The following RPGRIP1 variants were observed in gnomAD, a reference collection of about 807,000 sequenced individuals.
RPGRIP1 encodes RPGR interacting protein 1.
A neutral mutation model predicts 157.9 loss-of-function variants in RPGRIP1; 128 were observed. The observed-to-expected ratio is 0.81, with a 90% CI of 0.70 to 0.94. The LOEUF is 0.94. RPGRIP1 is among the 40% of genes least tolerant of loss of function. The pLI is 0.00. For synonymous variants in RPGRIP1, 554 were observed against 571.6 expected (o/e 0.97, Z 0.44); for missense variants, 1,486 against 1,545.8 (o/e 0.96, Z 0.65).
chr14:21,310,426 C>A (rs1881493726), intron 7 of RPGRIP1, among the ~76,000 whole-genome samples, 158 bp from the exon 8 acceptor site: 1 of 151,974 alleles, frequency 6.6e-6, no homozygotes, highest in South Asian at 2.1e-4. Context: ...CAAGCTAGGG[C>A]AGGGGAAAAA....
At chr14:21,303,672 C>T (rs1167098646) in intron 6 of RPGRIP1, 129 bp downstream of exon 6, 3 of 697,380 alleles carry the variant, frequency 4.3e-6, no homozygotes, top group East Asian at 2.7e-5. Flanking sequence ...GTAGTAGACA[C>T]GGAGTCCCTC....
chr14:21,324,834 A>C lies in RPGRIP1; in HGVS notation c.1979A>C (p.Asp660Ala). ...ACTTTCTGCACCTATTCCTTCTATGACTTTGAAACCCACTGTACCCCATTA... is the reference window on the plus strand; with the variant it reads ...ACTTTCTGCACCTATTCCTTCTATGCCTTTGAAACCCACTGTACCCCATTA... ...PTTFCTYSFY[D>A]FETHCTPLSV... The change falls in exon 15 of 25, where the codon GAC becomes GCC. Residue 660 changes from aspartate (D) to alanine (A), a missense_variant. Transcript: ENST00000400017. 6.2e-7 allele frequency: 1 copy of C among 1,613,960 alleles called. No individual in the cohort carries two copies. Among genetic ancestry groups the C allele is most frequent in the Non-Finnish European group, 8.5e-7 (1 of 1,179,886 alleles).
At chr14:21,307,682 T>C in intron 6 of RPGRIP1, 49 bp from the exon 7 acceptor site, 1 of 1,219,064 alleles carries the variant, frequency 8.2e-7, no homozygotes, top group South Asian at 1.3e-5. Flanking sequence ...GAAAATGTCT[T>C]TAATTCTATC....
Position 21,318,524 on chromosome 14 carries a change from G to T in RPGRIP1, c.1306+674G>T, listed in dbSNP as rs1426976043. Among the ~76,000 whole-genome samples the T allele has an allele frequency of 2.0e-5, 3 of 152,142 alleles. No individual in the cohort carries two copies. In the South Asian group the frequency reaches 6.2e-4, roughly 31 times the overall value. On this transcript the variant is annotated intron_variant, in intron 11 of 24. Transcript: ENST00000400017. Reference sequence around the variant, plus strand: ...AGAGTCTCACTCTGTCACCCAGGCTGGAGTACAGTGATGCGATCTGGGCTC... The same window carrying T: ...AGAGTCTCACTCTGTCACCCAGGCTTGAGTACAGTGATGCGATCTGGGCTC...
At position 21,325,058 on chromosome 14, in the gene RPGRIP1, G is replaced by A. The variant is rs769776142; in HGVS notation, c.2203G>A (p.Ala735Thr). Residue 735 changes from alanine (A) to threonine (T), a missense_variant, in exon 15 of 25, where the codon GCC (alanine) becomes ACC (threonine). Physicochemically the swap from Ala to Thr is moderately conservative, Grantham distance 58 (BLOSUM62 0). Transcript: ENST00000400017. ...GACTGTGGAGAAAGTCCATGGCTTG[G>A]CCACACTGATTGGTAAGTGCCGTTG... ...LETVEKVHGLATLIGAGGEEF... is the reference protein window; with the variant it reads ...LETVEKVHGLTTLIGAGGEEF... 6.2e-7 allele frequency: 1 copy of A among 1,609,476 alleles called. No homozygotes were observed. The highest frequency in any genetic ancestry group is 1.3e-5 in the African/African-American group (1 of 74,970).
chr14:21,306,580 TC>T (rs1881317810), intron 6 of RPGRIP1, among the ~76,000 whole-genome samples: 2 of 151,636 alleles, frequency 1.3e-5, no homozygotes, highest in Admixed American at 1.3e-4. Flanking sequence ...TGCCTCAGCC[TC>T]CCGAGTAGCT....
chr14:21,336,343 G>A (rs751130984), intron 21 of RPGRIP1, among the ~76,000 whole-genome samples: 6 of 152,156 alleles, frequency 3.9e-5, no homozygotes, highest in Non-Finnish European at 8.8e-5. Context: ...AGACCAGCCT[G>A]AGCAACACAG....
chr14:21,306,080 A>AAAC (rs1465993141), intron 6 of RPGRIP1, among the ~76,000 whole-genome samples: 1 of 150,826 alleles, frequency 6.6e-6, no homozygotes, highest in Non-Finnish European at 1.5e-5. Flanking sequence ...ACAATAAAGA[A>AAAC]AACGTGAGCT....
In RPGRIP1 at chr14:21,327,735, G is replaced by C. The variant is rs753237146; in HGVS notation, c.2823G>C (p.Gln941His). The C allele has an allele frequency of 6.2e-7, 1 of 1,613,900 alleles. No homozygotes were observed. Among genetic ancestry groups the C allele is most frequent in the South Asian group, 1.1e-5 (1 of 91,066 alleles). Reference sequence around the variant, plus strand: ...AGAGCTTCCTGAAACCAGAAGCTCAGACTAAGGGGAAGGATACCAAGGACA... The same window carrying C: ...AGAGCTTCCTGAAACCAGAAGCTCACACTAAGGGGAAGGATACCAAGGACA... ...PPESFLKPEAQTKGKDTKDSS... is the reference protein window; with the variant it reads ...PPESFLKPEAHTKGKDTKDSS... The change falls in exon 18 of 25, where the codon CAG becomes CAC. Residue 941 changes from glutamine to histidine, a missense_variant. Gln to His is a conservative substitution (Grantham distance 24). Transcript: ENST00000400017.
At chr14:21,287,684 T>C (rs1425086613) in intron 1 of RPGRIP1, among the ~76,000 whole-genome samples, 1 of 152,090 alleles carries the variant, frequency 6.6e-6, no homozygotes, top group African/African-American at 2.4e-5. Flanking sequence ...GAGCAGACAC[T>C]TAAAAAAATG....
chr14:21,307,569 A>T (rs1184746551), intron 6 of RPGRIP1, among the ~76,000 whole-genome samples, 162 bp from the exon 7 acceptor site: 1 of 152,224 alleles, frequency 6.6e-6, no homozygotes, highest in Non-Finnish European at 1.5e-5. Flanking sequence ...AAAGGAGATT[A>T]TTTACTAGAC....
chr14:21,286,256 G>A (rs1299856091), intron 1 of RPGRIP1, among the ~76,000 whole-genome samples: 1 of 151,970 alleles, frequency 6.6e-6, no homozygotes, highest in Non-Finnish European at 1.5e-5. Flanking sequence ...CTCCCAAAGT[G>A]CCGGGGTTAC....
At chr14:21,333,834 A>G (rs1884041304) in intron 20 of RPGRIP1, among the ~76,000 whole-genome samples, 1 of 152,032 alleles carries the variant, frequency 6.6e-6, no homozygotes, top group South Asian at 2.1e-4. Flanking sequence ...AGGGGAGGGG[A>G]CAAAGACCCC....
chr14:21,302,524 C>A lies in RPGRIP1; in HGVS notation c.527C>A (p.Ser176Ter). 1 of 1,586,536 alleles carries A rather than the reference C, an allele frequency of 6.3e-7. No individual in the cohort carries two copies. Among genetic ancestry groups the A allele is most frequent in the South Asian group, 1.2e-5 (1 of 85,848 alleles). ...AGGCTGAGCTACACAGCCCCTCCAT[C>A]GTTTAAGGAGCATGCGACAAATGAA... ...RDRLSYTAPP[S>*]FKEHATNENR... is the part of the protein sequence containing the mutation. Residue 176 changes from serine (S) to a stop codon, truncating the protein, a stop_gained, in exon 5 of 25, where the codon TCG becomes TAG. Coordinates refer to ENST00000400017, the MANE Select transcript of RPGRIP1 (RefSeq NM_020366.4). LOFTEE classifies it high-confidence loss of function.
chr14:21,325,917 T>C lies in RPGRIP1; in HGVS notation c.2454T>C (p.Thr818=). 6.2e-7 allele frequency: 1 copy of C among 1,613,970 alleles called. No homozygotes were observed. Among genetic ancestry groups the C allele is most frequent in the Admixed American group, 1.7e-5 (1 of 60,008 alleles). ...GCCTCCGGAGTCGATGGCTGGGAACTCAACCCAGTCCATATGCTGTGTACC... is the reference window on the plus strand; with the variant it reads ...GCCTCCGGAGTCGATGGCTGGGAACCCAACCCAGTCCATATGCTGTGTACC... ...CCGLRSRWLG[T]QPSPYAVYRF... is the part of the protein sequence containing the mutation. Residue 818 remains threonine, a synonymous_variant, in exon 17 of 25, where the codon ACT becomes ACC. Transcript: ENST00000400017.
At chr14:21,308,684 G>T (rs544305381) in intron 7 of RPGRIP1, among the ~76,000 whole-genome samples, 2 of 152,322 alleles carry the variant, frequency 1.3e-5, no homozygotes, top group South Asian at 4.1e-4. Context: ...CAAGAAACAA[G>T]GGAGAAGAAA....
intron 8 of RPGRIP1, 73 bp from the exon 9 acceptor site, chr14:21,311,751 G>A: frequency 8.2e-7 from 1 of 1,223,442 alleles, no homozygotes; most frequent in Non-Finnish European, 1.1e-6. Context: ...AGAATGCTAG[G>A]GTTGCTGGTG....
Position 21,317,829 on chromosome 14 carries a change from C to G in RPGRIP1, c.1285C>G (p.Leu429Val), listed in dbSNP as rs2139188464. ...GCTGGAGGACAAGAGAAAAGTTTTA[C>G]TTGAGCTGTCCAGGGAGAAAGGTAG... ...AELEDKRKVL[L>V]ELSREKAQNE... The change falls in exon 11 of 25, where the codon CTT (leucine) becomes GTT (valine). Residue 429 changes from leucine to valine, a missense_variant. Leu to Val is a conservative substitution (Grantham distance 32). Transcript: ENST00000400017. 6.2e-7 allele frequency: 1 copy of G among 1,606,594 alleles called. No homozygotes were observed. The highest frequency in any genetic ancestry group is 8.5e-7 in the Non-Finnish European group (1 of 1,176,560).
At chr14:21,299,611 C>G (rs1880938821) in intron 3 of RPGRIP1, among the ~76,000 whole-genome samples, 1 of 152,036 alleles carries the variant, frequency 6.6e-6, no homozygotes, top group Non-Finnish European at 1.5e-5. Flanking sequence ...CTTATTAATC[C>G]TCACAACAAT....
Sources: gnomAD v4.1 joint callset for allele counts (sites outside exome capture counted in the v4.1 genomes callset) on GRCh38, gnomAD v4.1.1 for gene constraint, MANE v1.5 for transcripts, NCBI Gene and HGNC (gene_info 2026-07-23, HGNC 2026-07-21) for gene names.